Variants in TMEM132D observed in about 807,000 individuals in gnomAD.
TMEM132D encodes mature OL transmembrane protein.
Under a neutral mutation model 62.3 loss-of-function variants are expected in TMEM132D, and 21 were observed. That is an observed-to-expected ratio of 0.34 (90% CI 0.24 to 0.49). TMEM132D has a LOEUF of 0.49. Ranked by LOEUF, TMEM132D falls within the 20% of genes least tolerant of loss-of-function variation. The probability of loss-of-function intolerance (pLI) is 0.99; values close to 1 mark genes in which losing one functional copy is unlikely to be tolerated. For synonymous variants in TMEM132D, 621 were observed against 575.6 expected, an observed-to-expected ratio of 1.08 and a Z score of -1.13; for missense variants, 1,346 against 1,402.8, an observed-to-expected ratio of 0.96 and a Z score of 0.65.
intron 3 of TMEM132D, among the ~76,000 whole-genome samples, chr12:129,491,615 C>G (rs967291278): frequency 6.6e-6 from 1 of 152,146 alleles, no homozygotes; most frequent in Non-Finnish European, 1.5e-5. Context: ...AGAGGAGATA[C>G]CATCATCTTG....
intron 2 of TMEM132D, among the ~76,000 whole-genome samples, chr12:129,559,480 G>A (rs1371249766): frequency 2.0e-4 from 30 of 152,160 alleles, no homozygotes; most frequent in Admixed American, 2.0e-3. Flanking sequence ...CACACAAATG[G>A]GAAGACGCTG....
chr12:129,726,446 C>T (rs970437527), intron 1 of TMEM132D, among the ~76,000 whole-genome samples: 1 of 152,074 alleles, frequency 6.6e-6, no homozygotes, highest in Admixed American at 6.5e-5. Context: ...GGAACAGCCT[C>T]AGCTCATGAA....
intron 1 of TMEM132D, among the ~76,000 whole-genome samples, chr12:129,786,886 G>C (rs1333002324): frequency 2.6e-5 from 4 of 152,118 alleles, no homozygotes; most frequent in Non-Finnish European, 2.9e-5. Flanking sequence ...GTGAGACCCT[G>C]TCTCAAAATG....
chr12:129,141,152 G>T (rs185587282), intron 5 of TMEM132D, among the ~76,000 whole-genome samples: 1 of 152,312 alleles, frequency 6.6e-6, no homozygotes, highest in African/African-American at 2.4e-5. Flanking sequence ...CATTGGCATT[G>T]CTAGAACTCT....
intron 4 of TMEM132D, among the ~76,000 whole-genome samples, chr12:129,319,256 C>A (rs1197682116): frequency 6.6e-6 from 1 of 152,214 alleles, no homozygotes; most frequent in Non-Finnish European, 1.5e-5. Context: ...TGCTTGGGGA[C>A]CCAGCGAGCT....
At chr12:129,086,615 T>C (rs1017878171) in intron 5 of TMEM132D, among the ~76,000 whole-genome samples, 1 of 150,006 alleles carries the variant, frequency 6.7e-6, no homozygotes, top group Non-Finnish European at 1.5e-5. Flanking sequence ...TTTCATTGTA[T>C]ATTTATATAT....
intron 4 of TMEM132D, among the ~76,000 whole-genome samples, chr12:129,227,058 G>A (rs1879498648): frequency 6.6e-6 from 1 of 152,066 alleles, no homozygotes. Flanking sequence ...ATTAGGCAGT[G>A]CTACTGAAAT....
At chr12:129,523,244 T>A in intron 3 of TMEM132D, among the ~76,000 whole-genome samples, 1 of 152,214 alleles carries the variant, frequency 6.6e-6, no homozygotes, top group Non-Finnish European at 1.5e-5. Context: ...CCACTGCAGG[T>A]GTTTTTGGTA....
At chr12:129,182,617 C>T (rs891574382) in intron 5 of TMEM132D, among the ~76,000 whole-genome samples, 3 of 152,202 alleles carry the variant, frequency 2.0e-5, no homozygotes, top group Non-Finnish European at 4.4e-5. Context: ...GGACAAGTCC[C>T]ACCCATCTGA....
At chr12:129,559,007 A>G (rs1364809404) in intron 2 of TMEM132D, among the ~76,000 whole-genome samples, 1 of 152,252 alleles carries the variant, frequency 6.6e-6, no homozygotes, top group East Asian at 1.9e-4. Flanking sequence ...GCAAAGAATC[A>G]GAAATTACAT....
chr12:129,084,592 C>A lies in TMEM132D; in HGVS notation c.1554G>T (p.Thr518=). 6.2e-7 allele frequency: 1 copy of A among 1,614,126 alleles called. No homozygotes were observed. Among genetic ancestry groups the A allele is most frequent in the Non-Finnish European group, 8.5e-7 (1 of 1,180,002 alleles). ...GCAGCGGAAGCCGGGGCACCCACAC[C>A]GTCATCTCCAGGGGGCTGCTCAGGT... ...YQHLSSPLEM[T]VWVPRLPLQI... Residue 518 remains threonine, a synonymous_variant, in exon 6 of 9, where the codon ACG becomes ACT. Coordinates refer to ENST00000422113, the MANE Select transcript of TMEM132D (RefSeq NM_133448.3).
intron 4 of TMEM132D, among the ~76,000 whole-genome samples, chr12:129,304,526 C>G (rs1046509182): frequency 3.3e-5 from 5 of 152,142 alleles, no homozygotes; most frequent in African/African-American, 1.2e-4. Flanking sequence ...TGAACAATCC[C>G]ATATCCTGGT....
At chr12:129,511,698 C>A (rs1240325417) in intron 3 of TMEM132D, among the ~76,000 whole-genome samples, 1 of 152,138 alleles carries the variant, frequency 6.6e-6, no homozygotes, top group Non-Finnish European at 1.5e-5. Flanking sequence ...GTCTTCTATT[C>A]TGGGTATGAG....
chr12:129,858,906 G>GA (rs71451338), intron 1 of TMEM132D, among the ~76,000 whole-genome samples: 4 of 131,236 alleles, frequency 3.0e-5, no homozygotes, highest in African/African-American at 9.0e-5. Context: ...GAGTCCGGGG[G>GA]ATGGGATGGC....
intron 2 of TMEM132D, among the ~76,000 whole-genome samples, chr12:129,622,223 GC>G (rs1443706873): frequency 1.3e-5 from 2 of 152,252 alleles, no homozygotes; most frequent in East Asian, 3.9e-4. Context: ...GAGTCCACAA[GC>G]CCCACTCGTC....
At chr12:129,140,383 C>T (rs978566334) in intron 5 of TMEM132D, among the ~76,000 whole-genome samples, 2 of 152,138 alleles carry the variant, frequency 1.3e-5, no homozygotes, top group South Asian at 2.1e-4. Flanking sequence ...CCCCCAGAAA[C>T]GTTTCCCCAT....
intron 1 of TMEM132D, among the ~76,000 whole-genome samples, chr12:129,748,584 G>A (rs1330318287): frequency 2.6e-5 from 4 of 152,166 alleles, no homozygotes; most frequent in Admixed American, 1.3e-4. Flanking sequence ...CTATTTCAAC[G>A]AGGAGGTTCA....
At chr12:129,133,548 A>G (rs1385575334) in intron 5 of TMEM132D, among the ~76,000 whole-genome samples, 2 of 152,198 alleles carry the variant, frequency 1.3e-5, no homozygotes, top group African/African-American at 2.4e-5. Context: ...TAAATCAATT[A>G]AACATGGAGG....
At chr12:129,139,259 T>C (rs1383998153) in intron 5 of TMEM132D, among the ~76,000 whole-genome samples, 1 of 152,226 alleles carries the variant, frequency 6.6e-6, no homozygotes, top group African/African-American at 2.4e-5. Context: ...CAGTAGTCTC[T>C]GACTTCAAAG....
Sources: gnomAD v4.1 joint callset for allele counts (sites outside exome capture counted in the v4.1 genomes callset) on GRCh38, gnomAD v4.1.1 for gene constraint, MANE v1.5 for transcripts, NCBI Gene and HGNC (gene_info 2026-07-23, HGNC 2026-07-21) for gene names.